MEI4: variants seen among roughly 807,000 people sequenced by gnomAD.
MEI4 encodes meiosis-specific protein MEI4.
MEI4 carries 27 observed loss-of-function variants against 31.4 expected under a neutral mutation model. The ratio of observed to expected loss-of-function variants is 0.86; its 90% CI spans 0.63 to 1.19. The LOEUF is 1.19. Ranked by LOEUF, MEI4 falls within the 50% of genes most tolerant of loss-of-function variation. The pLI is 0.00. For synonymous variants in MEI4, 122 were observed against 145.4 expected, an observed-to-expected ratio of 0.84 and a Z score of 1.16; for missense variants, 329 against 398.9, an observed-to-expected ratio of 0.82 and a Z score of 1.49.
Position 77,847,241 on chromosome 6 carries a change from C to T in MEI4, c.900+18179C>T, listed in dbSNP as rs1041010674. Among the ~76,000 whole-genome samples, 12 of 151,990 alleles carry T rather than the reference C, an allele frequency of 7.9e-5. No homozygotes were observed. Among genetic ancestry groups the T allele is most frequent in the Admixed American group, 5.9e-4 (9 of 15,236 alleles). ...AATAGTTGTGGAAGATCCAGGTGTA[C>T]GGTCACTGTCAAAATAATTCTGTGT... On this transcript the variant is annotated intron_variant, in intron 4 of 4. Transcript: ENST00000684080. This position sits in a 1 kb window ranked among gnomAD's most constrained non-coding sequence, Gnocchi z 4.6.
At chr6:77,909,551 T>G (rs1050614274) in intron 4 of MEI4, among the ~76,000 whole-genome samples, 10 of 152,062 alleles carry the variant, frequency 6.6e-5, no homozygotes, top group Non-Finnish European at 1.5e-4. Flanking sequence ...GGCTCTGAAA[T>G]TGAGGCAATA....
intron 3 of MEI4, among the ~76,000 whole-genome samples, chr6:77,783,064 G>A (rs1768634312): frequency 1.3e-5 from 2 of 152,104 alleles, no homozygotes. Context: ...ATGCTCAAGG[G>A]AAATCATGGT....
chr6:77,860,082 C>T (rs571981482), intron 4 of MEI4, among the ~76,000 whole-genome samples: 5 of 152,248 alleles, frequency 3.3e-5, no homozygotes, highest in African/African-American at 1.2e-4. Context: ...CGCTTATTTG[C>T]TTCTTAGAAT....
chr6:77,678,947 T>TA (rs146048119), intron 1 of MEI4, among the ~76,000 whole-genome samples: 20,524 of 150,398 alleles, frequency 0.14, 1,458 homozygotes, highest in Middle Eastern at 0.21. Flanking sequence ...GTTTAAGAGG[T>TA]AAAAAAAAAT....
intron 3 of MEI4, among the ~76,000 whole-genome samples, chr6:77,795,780 T>C (rs1162144416): frequency 6.9e-6 from 1 of 145,890 alleles, no homozygotes; most frequent in East Asian, 2.1e-4. Context: ...AAAAAAAAAC[T>C]CCCAACAAAT....
At chr6:77,746,267 C>T (rs574816704) in intron 2 of MEI4, among the ~76,000 whole-genome samples, 25 of 152,272 alleles carry the variant, frequency 1.6e-4, no homozygotes, top group Non-Finnish European at 2.6e-4. Flanking sequence ...CAAATAGACA[C>T]ATTCTGTGTG....
rs1766785464 is a variant in MEI4 at position 77,724,849 on chromosome 6, C to T, written c.232+33946C>T. On this transcript the variant is annotated intron_variant, in intron 2 of 4. Coordinates refer to ENST00000684080, the MANE Select transcript of MEI4 (RefSeq NM_001322247.2). ...ACATTTTGCGTTGACTGAGCCATTA[C>T]CGGCTCTGCTACATATTCGCAATGT... Among the ~76,000 whole-genome samples the T allele has an allele frequency of 5.5e-5, 8 of 146,726 alleles. No homozygotes were observed. The South Asian group carries it at 1.7e-3, about 31-fold the overall frequency.
chr6:77,743,236 ATTCT>A (rs1376650732), intron 2 of MEI4, among the ~76,000 whole-genome samples: 2 of 152,076 alleles, frequency 1.3e-5, no homozygotes, highest in African/African-American at 2.4e-5. Flanking sequence ...CATGATATTG[ATTCT>A]TCCTACCCAT....
chr6:77,888,077 A>G (rs987996703), intron 4 of MEI4, among the ~76,000 whole-genome samples: 3 of 152,154 alleles, frequency 2.0e-5, no homozygotes, highest in African/African-American at 7.2e-5. Context: ...TGATACATGT[A>G]TAACTACTTC....
chr6:77,853,359 T>TA (rs968608530), intron 4 of MEI4, among the ~76,000 whole-genome samples: 3 of 152,204 alleles, frequency 2.0e-5, no homozygotes, highest in African/African-American at 7.2e-5. Flanking sequence ...TAATGTAAGA[T>TA]AAAAAACTTT....
chr6:77,828,466 C>G (rs1217110272), intron 3 of MEI4, among the ~76,000 whole-genome samples: 2 of 152,058 alleles, frequency 1.3e-5, no homozygotes, highest in Admixed American at 6.6e-5. Flanking sequence ...GAGTGATGAT[C>G]TGACGTGGAA....
Position 77,767,703 on chromosome 6 carries a change from AC to A in MEI4, c.768+6039del, listed in dbSNP as rs1198900968. Among the ~76,000 whole-genome samples the A allele has an allele frequency of 1.4e-3, 213 of 152,112 alleles. 1 individual carries two copies. Among genetic ancestry groups the A allele is most frequent in the African/African-American group, 4.5e-3 (187 of 41,500 alleles). On this transcript the variant is annotated intron_variant, in intron 3 of 4. Coordinates refer to ENST00000684080, the MANE Select transcript of MEI4 (RefSeq NM_001322247.2). The stretch of plus-strand genomic sequence containing the variant: ...CAGAGCAGGAAACTGTCACACACAC[AC>A]ACACACACACACACACGGAAAAATC...
rs562985853 is a variant in MEI4, at chr6:77,924,151, T to G, written c.*805T>G. The G allele has an allele frequency of 2.0e-5, 3 of 151,986 alleles. No homozygotes were observed. The highest frequency in any genetic ancestry group is 1.3e-4 in the Admixed American group (2 of 15,198). The allele number at this position is 151,986 out of a possible 1,614,324, so 9.4% of individuals were successfully genotyped here. A position where few individuals can be genotyped will look rare whatever the true frequency, so the allele number is the denominator to read the frequency against. On this transcript the variant is annotated 3_prime_UTR_variant, in exon 5 of 5. Transcript: ENST00000684080. ...TTTTCAGTTATACAATTTCATTGAC[T>G]TCATTTCAATGATTAAAATCATAAC...
intron 3 of MEI4, among the ~76,000 whole-genome samples, chr6:77,816,487 C>A (rs1012802433): frequency 6.6e-6 from 1 of 151,868 alleles, no homozygotes; most frequent in African/African-American, 2.4e-5. Context: ...TTTTTATGGC[C>A]GCATAGTATT....
intron 1 of MEI4, among the ~76,000 whole-genome samples, chr6:77,665,443 G>C (rs1220064808): frequency 6.6e-6 from 1 of 152,032 alleles, no homozygotes; most frequent in Admixed American, 6.6e-5. Flanking sequence ...TGCCGCTAAG[G>C]GTGAAGGAGA....
At chr6:77,906,142 AAT>A (rs1766291914) in intron 4 of MEI4, among the ~76,000 whole-genome samples, 2 of 152,054 alleles carry the variant, frequency 1.3e-5, no homozygotes, top group Non-Finnish European at 2.9e-5. Flanking sequence ...TCCTTAAAAT[AAT>A]TATTTTTAAT....
intron 4 of MEI4, among the ~76,000 whole-genome samples, chr6:77,880,379 C>T (rs1256552370): frequency 6.6e-6 from 1 of 152,052 alleles, no homozygotes; most frequent in Non-Finnish European, 1.5e-5. Context: ...TACAGGCGCC[C>T]ACCACCACGC....
intron 2 of MEI4, among the ~76,000 whole-genome samples, chr6:77,714,070 C>A (rs1766526362): frequency 6.6e-6 from 1 of 152,062 alleles, no homozygotes. Context: ...TGATCTCATT[C>A]TTTTGTATGG....
At chr6:77,841,498 C>T (rs1427195742) in intron 4 of MEI4, among the ~76,000 whole-genome samples, 1 of 150,922 alleles carries the variant, frequency 6.6e-6, no homozygotes, top group Non-Finnish European at 1.5e-5. Flanking sequence ...TGCCACTACT[C>T]GTGGCTAATT....
Sources: gnomAD v4.1 joint callset for allele counts (sites outside exome capture counted in the v4.1 genomes callset) on GRCh38, gnomAD v4.1.1 for gene constraint, Gnocchi (gnomAD v3.1) non-coding constraint, MANE v1.5 for transcripts, NCBI Gene and HGNC (gene_info 2026-07-23, HGNC 2026-07-21) for gene names.